PRPS2: variants seen among roughly 807,000 people sequenced by gnomAD.
PRPS2 encodes ribose-phosphate pyrophosphokinase 2.
For missense variants in PRPS2, 104 were observed against 271.5 expected, an observed-to-expected ratio of 0.38 and a Z score of 4.34; for synonymous variants, 111 against 115.3, an observed-to-expected ratio of 0.96 and a Z score of 0.24.
intron 4 of PRPS2, among the ~76,000 whole-genome samples, chrX:12,815,944 A>G (rs756442658): frequency 8.9e-6 from 1 of 111,867 alleles, no homozygotes; most frequent in Non-Finnish European, 1.9e-5. Context: ...TGCCTGGCTG[A>G]ACTGTAGGTG....
intron 2 of PRPS2, among the ~76,000 whole-genome samples, chrX:12,805,010 G>GT (rs998360780): frequency 8.9e-6 from 1 of 111,736 alleles, no homozygotes; most frequent in Non-Finnish European, 1.9e-5. Context: ...AGCTGGTTTT[G>GT]TTTTTTTCTG....
chrX:12,821,217 A>G (rs1257843051), intron 6 of PRPS2, among the ~76,000 whole-genome samples: 3 of 112,165 alleles, frequency 2.7e-5, no homozygotes, highest in South Asian at 3.7e-4. Flanking sequence ...ATGGCCATCA[A>G]CGGACAAACA....
intron 1 of PRPS2, among the ~76,000 whole-genome samples, chrX:12,793,822 A>G (rs1254249822): frequency 8.9e-6 from 1 of 112,241 alleles, no homozygotes; most frequent in Non-Finnish European, 1.9e-5. Flanking sequence ...TGCGTTTTTT[A>G]TATGCTACTT....
chrX:12,823,866 A>T lies in PRPS2; in HGVS notation c.*1070A>T, dbSNP rs1278629348. Reference sequence around the variant, plus strand: ...AGGTGATGAAGACTGTCTTGGGAGCAGCTTAATCCCAAAATTTGTACATTT... The same window carrying T: ...AGGTGATGAAGACTGTCTTGGGAGCTGCTTAATCCCAAAATTTGTACATTT... On this transcript the variant is annotated 3_prime_UTR_variant, in exon 7 of 7. Transcript: ENST00000380668. 8.9e-6 allele frequency: 1 copy of T among 112,303 alleles called. No individual in the cohort carries two copies. Among genetic ancestry groups the T allele is most frequent in the Admixed American group, 9.5e-5 (1 of 10,543 alleles). 9.3% of individuals were successfully genotyped at this position (112,303 alleles called of 1,213,427 possible).
At chrX:12,814,306 C>A (rs1423496696) in intron 4 of PRPS2, among the ~76,000 whole-genome samples, 1 of 111,769 alleles carries the variant, frequency 8.9e-6, no homozygotes. Flanking sequence ...ATCACCCCTG[C>A]TCCCTCTGCC....
chrX:12,816,610 G>A (rs1024157372), intron 4 of PRPS2, among the ~76,000 whole-genome samples: 4 of 111,474 alleles, frequency 3.6e-5, no homozygotes, highest in African/African-American at 9.8e-5. Flanking sequence ...GCTACTATAT[G>A]CTTTAGTTTT....
chrX:12,812,407 G>A (rs1196487500), intron 4 of PRPS2, among the ~76,000 whole-genome samples: 5 of 111,841 alleles, frequency 4.5e-5, no homozygotes, highest in Non-Finnish European at 7.5e-5. Flanking sequence ...CAGGTGGATC[G>A]CTTGAGGTCA....
intron 4 of PRPS2, among the ~76,000 whole-genome samples, chrX:12,813,212 G>A (rs1386029542): frequency 8.9e-6 from 1 of 111,962 alleles, no homozygotes; most frequent in Non-Finnish European, 1.9e-5. Context: ...TCTTCACTGT[G>A]CTTTTCTGAA....
chrX:12,820,469 A>C (rs1180126330), intron 5 of PRPS2, among the ~76,000 whole-genome samples, 175 bp from the exon 6 acceptor site: 1 of 112,013 alleles, frequency 8.9e-6, no homozygotes, highest in Non-Finnish European at 1.9e-5. Context: ...ATTTAATGGA[A>C]TACAAAGTGT....
intron 2 of PRPS2, among the ~76,000 whole-genome samples, chrX:12,799,906 A>G (rs181630165): frequency 1.5e-4 from 17 of 112,064 alleles, no homozygotes; most frequent in African/African-American, 3.9e-4. Context: ...AAAAAAACCC[A>G]TGATCTCTTT....
intron 4 of PRPS2, among the ~76,000 whole-genome samples, chrX:12,815,755 C>T (rs1016289784): frequency 1.5e-4 from 17 of 111,173 alleles, no homozygotes; most frequent in African/African-American, 5.2e-4. Context: ...GCGATTCTCC[C>T]GCCTCAGCCT....
At chrX:12,819,265 A>G (rs1473978744) in intron 4 of PRPS2, among the ~76,000 whole-genome samples, 4 of 112,636 alleles carry the variant, frequency 3.6e-5, no homozygotes, top group East Asian at 5.6e-4. Context: ...CAGTAGTTCT[A>G]TCCAGTGGCC....
chrX:12,816,507 T>G (rs1243124487), intron 4 of PRPS2, among the ~76,000 whole-genome samples: 2 of 111,450 alleles, frequency 1.8e-5, no homozygotes, highest in African/African-American at 6.5e-5. Context: ...TTTACTATGT[T>G]GCCCAGGCTG....
intron 1 of PRPS2, among the ~76,000 whole-genome samples, chrX:12,793,151 GAGA>G (rs752286063): frequency 5.3e-5 from 6 of 112,559 alleles, no homozygotes; most frequent in Admixed American, 9.4e-5. Context: ...GTAAGAACAC[GAGA>G]AGAAGAATAG....
intron 4 of PRPS2, among the ~76,000 whole-genome samples, chrX:12,815,368 A>G (rs1411790733): frequency 9.0e-6 from 1 of 110,545 alleles, no homozygotes; most frequent in Admixed American, 9.7e-5. Context: ...TGGCAGAGAG[A>G]TGAAAACAGG....
chrX:12,797,216 G>A (rs1362693319), intron 1 of PRPS2, among the ~76,000 whole-genome samples: 1 of 110,350 alleles, frequency 9.1e-6, no homozygotes, highest in African/African-American at 3.3e-5. Flanking sequence ...AAATTAGCCA[G>A]GCGTGGTGGT....
intron 3 of PRPS2, among the ~76,000 whole-genome samples, chrX:12,809,818 C>T (rs1280444215): frequency 1.8e-5 from 2 of 112,326 alleles, no homozygotes; most frequent in Non-Finnish European, 3.8e-5. Context: ...TCCCAAGAGA[C>T]AGATTGGACT....
chrX:12,816,045 A>G (rs1479531578), intron 4 of PRPS2, among the ~76,000 whole-genome samples: 1 of 111,848 alleles, frequency 8.9e-6, no homozygotes, highest in African/African-American at 3.3e-5. Context: ...TGACAGCTAG[A>G]CAAGTTTACA....
At chrX:12,803,814 G>A (rs73438852) in intron 2 of PRPS2, among the ~76,000 whole-genome samples, 58 of 112,196 alleles carry the variant, frequency 5.2e-4, no homozygotes, top group East Asian at 2.0e-3. Context: ...GTTAAGAGAC[G>A]AATATTTTAA....
Sources: allele counts gnomAD v4.1 joint callset (sites outside exome capture counted in the v4.1 genomes callset), GRCh38; gene constraint gnomAD v4.1.1; transcripts MANE v1.5; gene names NCBI Gene and HGNC (gene_info 2026-07-23, HGNC 2026-07-21).